The following ANO6 variants were observed in gnomAD, a reference collection of about 807,000 sequenced individuals.
ANO6 encodes the protein anoctamin 6, also known as anoctamin-6.
Under a neutral mutation model 117.5 loss-of-function variants are expected in ANO6, and 106 were observed. The ratio of observed to expected loss-of-function variants is 0.90; its 90% confidence interval spans 0.77 to 1.06. The LOEUF is 1.06. Among genes scored for constraint, ANO6 ranks in the 50% least tolerant of loss-of-function variants. ANO6 has a pLI of 0.00. For missense variants in ANO6, 955 were observed against 1,121.1 expected, an observed-to-expected ratio of 0.85 and a Z score of 2.12; for synonymous variants, 367 against 385.1, an observed-to-expected ratio of 0.95 and a Z score of 0.55.
At chr12:45,304,770 G>C (rs1227259638) in intron 2 of ANO6, among the ~76,000 whole-genome samples, 1 of 151,744 alleles carries the variant, frequency 6.6e-6, no homozygotes, top group Non-Finnish European at 1.5e-5. Flanking sequence ...ATTGCCAGTT[G>C]AATAGTCTTG....
At chr12:45,244,254 A>G (rs760105889) in intron 1 of ANO6, among the ~76,000 whole-genome samples, 29 of 152,214 alleles carry the variant, frequency 1.9e-4, no homozygotes, top group Non-Finnish European at 4.3e-4. Context: ...TTTATAGGAG[A>G]GTATCTGTTA....
chr12:45,401,517 G>A (rs933503417), intron 12 of ANO6, among the ~76,000 whole-genome samples: 1 of 151,962 alleles, frequency 6.6e-6, no homozygotes, highest in Non-Finnish European at 1.5e-5. Flanking sequence ...CAGAAAAATT[G>A]CACATAAAAT....
intron 1 of ANO6, among the ~76,000 whole-genome samples, chr12:45,242,728 T>C (rs1467563124): frequency 6.6e-6 from 1 of 152,240 alleles, no homozygotes; most frequent in African/African-American, 2.4e-5. Context: ...CAGTTGTTAA[T>C]TTTTATTTAC....
intron 1 of ANO6, among the ~76,000 whole-genome samples, chr12:45,263,367 C>CTT (rs72457782): frequency 0.013 from 988 of 78,824 alleles, 25 homozygotes; most frequent in South Asian, 0.021. Context: ...CTGGCCTGGC[C>CTT]TTTTTTTTTT....
intron 19 of ANO6, chr12:45,439,621 A>C: frequency 7.5e-7 from 1 of 1,324,726 alleles, no homozygotes; most frequent in African/African-American, 1.5e-5. Context: ...AATAATTACC[A>C]GAGTATTCAA....
intron 9 of ANO6, among the ~76,000 whole-genome samples, chr12:45,375,239 T>C (rs1280357106): frequency 3.9e-5 from 6 of 152,330 alleles, no homozygotes; most frequent in African/African-American, 1.4e-4. Context: ...TCCATGCTCA[T>C]TGGTAGGAAG....
chr12:45,259,607 T>C (rs905489576), intron 1 of ANO6, among the ~76,000 whole-genome samples: 1 of 152,184 alleles, frequency 6.6e-6, no homozygotes, highest in Non-Finnish European at 1.5e-5. Flanking sequence ...TGATAATGGC[T>C]CTGCACACGC....
Position 45,429,676 on chromosome 12 carries a change from C to G in ANO6, c.*365C>G. The stretch of plus-strand genomic sequence containing the variant: ...TGTCTATTCTCAGGCGCATGATCTC[C>G]TTTATTTTTAAGCCATGTTTCATTT... On this transcript the variant is annotated 3_prime_UTR_variant, in exon 20 of 20. Transcript: ENST00000320560. 6 of 1,121,938 alleles carry G rather than the reference C, an allele frequency of 5.3e-6. No homozygotes were observed. Among genetic ancestry groups the G allele is most frequent in the Non-Finnish European group, 6.6e-6 (6 of 912,910 alleles). The allele number at this position is 1,121,938 out of a possible 1,614,324, so 69.5% of individuals were successfully genotyped here.
chr12:45,227,395 C>T (rs994225767), intron 1 of ANO6, among the ~76,000 whole-genome samples: 17 of 152,136 alleles, frequency 1.1e-4, no homozygotes, highest in African/African-American at 4.1e-4. Context: ...GAAAGTCTTA[C>T]GGTCAGATGA....
chr12:45,378,028 T>C (rs754484074), intron 9 of ANO6, 25 bp from the exon 10 acceptor site: 24 of 1,596,298 alleles, frequency 1.5e-5, no homozygotes, highest in Non-Finnish European at 1.9e-5. Context: ...ATATGACTCA[T>C]TTATATGTCA....
At chr12:45,351,645 C>G (rs566957941) in intron 7 of ANO6, among the ~76,000 whole-genome samples, 9 of 152,010 alleles carry the variant, frequency 5.9e-5, no homozygotes, top group Non-Finnish European at 1.3e-4. Flanking sequence ...GGAGCCAGTG[C>G]TTTGAGGACT....
chr12:45,362,238 G>A (rs544875664), intron 8 of ANO6, among the ~76,000 whole-genome samples: 1 of 151,828 alleles, frequency 6.6e-6, no homozygotes, highest in Non-Finnish European at 1.5e-5. Context: ...ATTTTTCTAG[G>A]AATTCTTCCA....
rs746822133 is a variant in ANO6, at chr12:45,347,024, G to A, written c.282G>A (p.Arg94=). The change falls in exon 4 of 20, where the codon AGG becomes AGA. Residue 94 remains arginine, a splice_region_variant and synonymous_variant. Coordinates refer to ENST00000320560, the MANE Select transcript of ANO6 (RefSeq NM_001025356.3). The stretch of plus-strand genomic sequence containing the variant: ...TATATTCCAACTTCTTTTGACAGAG[G>A]AAAAGACAAGCATACGAATCTAACC... ...NKKGTNEKQR[R]KRQAYESNLI... 3 of 1,613,968 alleles carry A rather than the reference G, an allele frequency of 1.9e-6. No individual in the cohort carries two copies. The highest frequency in any genetic ancestry group is 2.2e-5 in the South Asian group (2 of 91,072).
intron 1 of ANO6, among the ~76,000 whole-genome samples, chr12:45,289,460 C>T (rs1235848194): frequency 4.6e-5 from 7 of 152,068 alleles, no homozygotes; most frequent in South Asian, 2.1e-4. Context: ...TGTGCCCAGC[C>T]GGGTGTGAAT....
chr12:45,438,564 C>T (rs1372472264), intron 19 of ANO6, among the ~76,000 whole-genome samples: 1 of 152,114 alleles, frequency 6.6e-6, no homozygotes, highest in Non-Finnish European at 1.5e-5. Flanking sequence ...ATAAAATTAC[C>T]TTCAGGCTAT....
intron 1 of ANO6, among the ~76,000 whole-genome samples, chr12:45,224,227 C>G (rs1947447532): frequency 1.3e-5 from 2 of 152,174 alleles, no homozygotes; most frequent in African/African-American, 4.8e-5. Flanking sequence ...GCACCTGAGC[C>G]AGCCCTGTTG....
intron 10 of ANO6, among the ~76,000 whole-genome samples, chr12:45,382,073 TTGG>T (rs1416138115): frequency 6.6e-6 from 1 of 152,122 alleles, no homozygotes; most frequent in Admixed American, 6.6e-5. Flanking sequence ...TGCCAATAAT[TTGG>T]CTATTATCAG....
chr12:45,431,158 T>G lies in ANO6; in HGVS notation c.*1847T>G. The G allele has an allele frequency of 2.0e-6, 2 of 985,252 alleles. No individual in the cohort carries two copies. Among genetic ancestry groups the G allele is most frequent in the Non-Finnish European group, 2.4e-6 (2 of 829,814 alleles). The allele number at this position is 985,252 out of a possible 1,614,324, so 61.0% of individuals were successfully genotyped here. On this transcript the variant is annotated 3_prime_UTR_variant, in exon 20 of 20. Coordinates refer to ENST00000320560, the MANE Select transcript of ANO6 (RefSeq NM_001025356.3). The stretch of plus-strand genomic sequence containing the variant: ...TCTCTTGATCGTGTTAATGATGCAA[T>G]CAGAGTTCAAGACAGGCCCCATGAA...
chr12:45,321,744 A>G (rs1940280660), intron 2 of ANO6, among the ~76,000 whole-genome samples: 1 of 152,156 alleles, frequency 6.6e-6, no homozygotes. Context: ...CTGTGGGAAA[A>G]AAAAGGCAGT....
Sources: allele counts gnomAD v4.1 joint callset (sites outside exome capture counted in the v4.1 genomes callset), GRCh38; gene constraint gnomAD v4.1.1; transcripts MANE v1.5; gene names NCBI Gene and HGNC (gene_info 2026-07-23, HGNC 2026-07-21).